Variants in SHF observed in about 807,000 individuals in gnomAD.
The protein encoded by SHF is SH2 domain-containing adapter protein F.
Under a neutral mutation model 42.4 loss-of-function variants are expected in SHF, and 30 were observed. That is an observed-to-expected ratio of 0.71 (90% CI 0.53 to 0.96). The LOEUF (loss-of-function observed/expected upper bound fraction) is 0.96. Ranked by LOEUF, SHF falls within the 40% of genes least tolerant of loss-of-function variation. The pLI is 0.00. For synonymous variants in SHF, 264 were observed against 269.9 expected, an observed-to-expected ratio of 0.98 and a Z score of 0.21; for missense variants, 598 against 634.0, an observed-to-expected ratio of 0.94 and a Z score of 0.61.
In SHF at chr15:45,198,731, T is replaced by C. The variant is rs767225780; in HGVS notation, c.303+41A>G. 23 of 1,583,162 alleles carry C rather than the reference T, an allele frequency of 1.5e-5. No homozygotes were observed. In the South Asian group the frequency reaches 2.3e-4, roughly 16 times the overall value. On this transcript the variant is annotated intron_variant, in intron 2 of 7. Transcript: ENST00000290894. ...TTCTGATTATCCTCTTCAACAGTCA[T>C]AGGCCTTCCCAGTTTGCGCGTCATT... is the stretch of plus-strand genomic sequence containing the variant.
chr15:45,178,211 T>A lies in SHF; in HGVS notation c.594A>T (p.Glu198Asp), dbSNP rs367911348. ...GASGAPEKVPENDGYMEPYEA... is the reference protein window; with the variant it reads ...GASGAPEKVPDNDGYMEPYEA... ...CATAGGGCTCCATGTAGCCATCATTTTCAGGGACCTTCTCTGGGGCTCCTG... is the reference window on the plus strand; with the variant it reads ...CATAGGGCTCCATGTAGCCATCATTATCAGGGACCTTCTCTGGGGCTCCTG... The change falls in exon 2 of 7, where the codon GAA becomes GAT. Residue 198 changes from glutamate (E) to aspartate (D), a missense_variant. Around this residue, in one of 2 missense-constraint regions of SHF, gnomAD observed 439 missense variants for 524.6 expected, o/e 0.84. Coordinates refer to ENST00000690270, the MANE Select transcript of SHF (RefSeq NM_001394037.1). 4.3e-6 allele frequency: 7 copies of A among 1,613,666 alleles called. No individual in the cohort carries two copies. The African/African-American group carries it at 8.0e-5, about 18-fold the overall frequency.
At chr15:45,184,904 C>T (rs945701642) in intron 1 of SHF, among the ~76,000 whole-genome samples, 1 of 152,238 alleles carries the variant, frequency 6.6e-6, no homozygotes, top group Non-Finnish European at 1.5e-5. Context: ...CACCCCTGCA[C>T]CCCTGCCAAC....
At chr15:45,191,143 C>A (rs976321242), upstream of SHF, among the ~76,000 whole-genome samples, 2 of 152,210 alleles carry the variant, frequency 1.3e-5, no homozygotes, top group Admixed American at 6.5e-5. Flanking sequence ...TAGCTCACTG[C>A]AGCCTTGAAC....
In SHF at chr15:45,171,970, G is replaced by C. The variant is rs1228937235; in HGVS notation, c.1193C>G (p.Ala398Gly). 6.2e-7 allele frequency: 1 copy of C among 1,614,006 alleles called. No individual in the cohort carries two copies. The highest frequency in any genetic ancestry group is 1.7e-5 in the Admixed American group (1 of 60,024). ...WYHGAISRTDAENLLRLCKEA... is the reference protein window; with the variant it reads ...WYHGAISRTDGENLLRLCKEA... Reference sequence around the variant, plus strand: ...TTTGCACAGCCGGAGCAGGTTCTCGGCGTCGGTTCGGCTGATGGCCCCGTG... The same window carrying C: ...TTTGCACAGCCGGAGCAGGTTCTCGCCGTCGGTTCGGCTGATGGCCCCGTG... Residue 398 changes from alanine to glycine, a missense_variant, in exon 6 of 7, where the codon GCC (alanine) becomes GGC (glycine). Ala to Gly is a moderately conservative substitution (Grantham distance 60). Around this residue, in one of 2 missense-constraint regions of SHF, gnomAD observed 439 missense variants for 524.6 expected, o/e 0.84. Transcript: ENST00000690270.
At chr15:45,198,648 G>C in intron 2 of SHF, 1 of 1,263,746 alleles carries the variant, frequency 7.9e-7, no homozygotes, top group Non-Finnish European at 1.1e-6. Context: ...CGGCCACAAC[G>C]CAGAGTACTA....
intron 2 of SHF, among the ~76,000 whole-genome samples, chr15:45,194,536 G>A (rs1300417641): frequency 1.3e-5 from 2 of 152,016 alleles, no homozygotes; most frequent in Admixed American, 1.3e-4. Context: ...ATTTTTAGTA[G>A]AGACAGGGTT....
At chr15:45,168,198 A>G in intron 6 of SHF, 65 bp from the exon 7 acceptor site, 2 of 1,445,126 alleles carry the variant, frequency 1.4e-6, no homozygotes, top group Non-Finnish European at 1.9e-6. Context: ...CCATCCACCC[A>G]GTAACCCTCC....
intron 2 of SHF, among the ~76,000 whole-genome samples, chr15:45,197,785 A>G (rs1363809521): frequency 6.6e-6 from 1 of 151,708 alleles, no homozygotes; most frequent in Non-Finnish European, 1.5e-5. Context: ...CTACCAATAC[A>G]TACCTATTAC....
chr15:45,197,965 G>A (rs1327408249), intron 2 of SHF, among the ~76,000 whole-genome samples: 1 of 152,152 alleles, frequency 6.6e-6, no homozygotes, highest in African/African-American at 2.4e-5. Context: ...GAAAGATATA[G>A]TGGAAACTGA....
chr15:45,174,860 T>C (rs1290208273), intron 3 of SHF, among the ~76,000 whole-genome samples: 1 of 152,210 alleles, frequency 6.6e-6, no homozygotes, highest in Non-Finnish European at 1.5e-5. Flanking sequence ...GTAAGTGCCT[T>C]CTTTTGTTAA....
chr15:45,171,871 G>T lies in SHF; in HGVS notation c.1280+12C>A. The T allele has an allele frequency of 6.2e-7, 1 of 1,611,616 alleles. No individual in the cohort carries two copies. Among genetic ancestry groups the T allele is most frequent in the Non-Finnish European group, 8.5e-7 (1 of 1,178,956 alleles). On this transcript the variant is annotated intron_variant, in intron 6 of 6. Coordinates refer to ENST00000690270, the MANE Select transcript of SHF (RefSeq NM_001394037.1). Reference sequence around the variant, plus strand: ...GCTTGCTGTCCCTGAAACCACAACTGTCCCCACTCACTTGAGGGAGAGGGA... The same window carrying T: ...GCTTGCTGTCCCTGAAACCACAACTTTCCCCACTCACTTGAGGGAGAGGGA...
intron 2 of SHF, among the ~76,000 whole-genome samples, chr15:45,176,071 CG>C (rs1409700832): frequency 6.6e-6 from 1 of 152,050 alleles, no homozygotes; most frequent in African/African-American, 2.4e-5. Context: ...CTGCCTGCCT[CG>C]GCCTTCCAAA....
intron 1 of SHF, among the ~76,000 whole-genome samples, chr15:45,184,879 G>A (rs1378226843): frequency 6.6e-6 from 1 of 152,216 alleles, no homozygotes; most frequent in Non-Finnish European, 1.5e-5. Context: ...GCCCTGCCAG[G>A]CCTGCCCAGA....
chr15:45,198,891 G>A, exon 2 of SHF: 3 of 1,614,040 alleles, frequency 1.9e-6, no homozygotes, highest in East Asian at 2.2e-5. Flanking sequence ...GATGAGATGG[G>A]CTCCCGGTGA....
chr15:45,200,760 C>A, exon 1 of SHF: 1 of 456,228 alleles, frequency 2.2e-6, no homozygotes, highest in South Asian at 1.5e-5. Flanking sequence ...GGTGGTGGGT[C>A]AGAACTGATT....
At position 45,178,448 on chromosome 15, in the gene SHF, G is replaced by A. The variant is rs990327959; in HGVS notation, c.499-142C>T. Reference sequence around the variant, plus strand: ...CCCCAGGTACTCAAAGGAAGGCTCTGAGCTTGGATGGGGACAAGCTCTGGC... The same window carrying A: ...CCCCAGGTACTCAAAGGAAGGCTCTAAGCTTGGATGGGGACAAGCTCTGGC... On this transcript the variant is annotated intron_variant, in intron 1 of 6. Coordinates refer to ENST00000690270, the MANE Select transcript of SHF (RefSeq NM_001394037.1). The A allele has an allele frequency of 7.0e-6, 7 of 1,004,320 alleles. No individual in the cohort carries two copies. In the African/African-American group the frequency reaches 1.2e-4, roughly 17 times the overall value. 62.2% of individuals were successfully genotyped at this position (1,004,320 alleles called of 1,614,324 possible).
Position 45,172,194 on chromosome 15 carries a change from G to A in SHF, c.1113C>T (p.Ser371=). 3.7e-6 allele frequency: 6 copies of A among 1,613,916 alleles called. No homozygotes were observed. Among genetic ancestry groups the A allele is most frequent in the Admixed American group, 1.7e-5 (1 of 60,006 alleles). Residue 371 remains serine, a synonymous_variant, in exon 5 of 7, where the codon AGC becomes AGT. Transcript: ENST00000690270. ...CTGGATCTGTCCACTCCCCCAGGGGGCTGCTGGGCTCCATGCTTAGGGGTT... is the reference window on the plus strand; with the variant it reads ...CTGGATCTGTCCACTCCCCCAGGGGACTGCTGGGCTCCATGCTTAGGGGTT... ...SAKPLSMEPS[S]PLGEWTDPAL...
In SHF at chr15:45,187,874, C is replaced by T; in HGVS notation, c.78G>A (p.Gly26=). 2.6e-6 allele frequency: 3 copies of T among 1,167,392 alleles called. No individual in the cohort carries two copies. The highest frequency in any genetic ancestry group is 3.2e-6 in the Non-Finnish European group (3 of 941,534). 72.3% of individuals were successfully genotyped at this position (1,167,392 alleles called of 1,614,324 possible). A position where few individuals can be genotyped will look rare whatever the true frequency, so the allele number is the denominator to read the frequency against. ...CACCCCCGGCGCCCCGGCGGGACCC[C>T]CCCGGGCCGCCCCCAGCGCTCCCCT... is the stretch of plus-strand genomic sequence containing the variant. The part of the protein sequence containing the change: ...RTQGSAGGGP[G]GSRRGAGGAG... Residue 26 remains glycine (G), a synonymous_variant, in exon 1 of 7, where the codon GGG becomes GGA. Coordinates refer to ENST00000690270, the MANE Select transcript of SHF (RefSeq NM_001394037.1).
intron 1 of SHF, among the ~76,000 whole-genome samples, chr15:45,179,355 A>G (rs749290500): frequency 6.6e-6 from 1 of 152,188 alleles, no homozygotes; most frequent in Non-Finnish European, 1.5e-5. Flanking sequence ...GTCCTGGGAG[A>G]GAGAATGCTG....
Sources: gnomAD v4.1 joint callset for allele counts (sites outside exome capture counted in the v4.1 genomes callset) on GRCh38, gnomAD v4.1.1 for gene constraint, gnomAD v4.1.1 regional missense constraint, MANE v1.5 for transcripts, NCBI Gene and HGNC (gene_info 2026-07-23, HGNC 2026-07-21) for gene names.